Variants in ROCK1 observed in about 807,000 individuals in gnomAD.
The protein encoded by ROCK1 is Rho associated coiled-coil containing protein kinase 1, also known as rho-associated protein kinase 1.
A neutral mutation model predicts 196.8 loss-of-function variants in ROCK1; 36 were observed. That is an observed-to-expected ratio of 0.18 (90% CI 0.14 to 0.24). ROCK1 has a LOEUF of 0.24. Ranked by LOEUF, ROCK1 falls within the 10% of genes least tolerant of loss-of-function variation. ROCK1 has a pLI of 1.00. For missense variants in ROCK1, 920 were observed against 1,562.0 expected, an observed-to-expected ratio of 0.59 and a Z score of 6.93; for synonymous variants, 443 against 515.9, an observed-to-expected ratio of 0.86 and a Z score of 1.91.
chr18:20,959,241 C>T (rs1439255114), intron 29 of ROCK1, among the ~76,000 whole-genome samples: 2 of 99,730 alleles, frequency 2.0e-5, no homozygotes, highest in Non-Finnish European at 3.9e-5. Context: ...GACAGAGTTT[C>T]GCTCTTGTGG....
chr18:21,083,852 T>C (rs1166189919), intron 1 of ROCK1, among the ~76,000 whole-genome samples: 1 of 152,192 alleles, frequency 6.6e-6, no homozygotes, highest in African/African-American at 2.4e-5. Context: ...TAAAAAAGTA[T>C]GTATTTCATG....
chr18:21,090,161 T>A (rs927141381), intron 1 of ROCK1, among the ~76,000 whole-genome samples: 1 of 152,214 alleles, frequency 6.6e-6, no homozygotes, highest in Admixed American at 6.5e-5. Context: ...AAAATACTGG[T>A]TCCTTGAATT....
intron 17 of ROCK1, 38 bp from the exon 18 acceptor site, chr18:20,991,364 C>T: frequency 5.1e-6 from 7 of 1,382,486 alleles, no homozygotes; most frequent in Non-Finnish European, 6.9e-6. Flanking sequence ...ATAAACTGTG[C>T]AGAAGGCATG....
At chr18:21,107,298 T>C (rs985006704) in intron 1 of ROCK1, among the ~76,000 whole-genome samples, 2 of 152,142 alleles carry the variant, frequency 1.3e-5, no homozygotes, top group Non-Finnish European at 2.9e-5. Flanking sequence ...GTAGGTAAGG[T>C]AGTTTAAAAG....
intron 2 of ROCK1, 82 bp from the exon 3 acceptor site, chr18:21,049,962 G>A (rs2036190881): frequency 3.2e-6 from 2 of 617,512 alleles, no homozygotes; most frequent in East Asian, 3.3e-5. Context: ...GAGTTCTTAA[G>A]AAACACAATG....
chr18:20,967,149 A>C (rs2035381853), intron 26 of ROCK1, 73 bp from the exon 27 acceptor site: 3 of 1,036,626 alleles, frequency 2.9e-6, no homozygotes, highest in Admixed American at 2.2e-5. Flanking sequence ...GAAATATGAT[A>C]ATTTAAATTG....
intron 22 of ROCK1, among the ~76,000 whole-genome samples, chr18:20,978,528 G>A (rs550556047): frequency 6.6e-6 from 1 of 152,266 alleles, no homozygotes; most frequent in African/African-American, 2.4e-5. Flanking sequence ...GAGGAACTAA[G>A]TTTTAATTTT....
chr18:21,104,143 AT>A (rs950519771), intron 1 of ROCK1, among the ~76,000 whole-genome samples: 37 of 152,196 alleles, frequency 2.4e-4, no homozygotes, highest in African/African-American at 8.4e-4. Flanking sequence ...TTTTCTATCA[AT>A]TATCGTAATA....
chr18:21,059,868 A>G (rs1429732096), intron 2 of ROCK1, among the ~76,000 whole-genome samples: 2 of 152,248 alleles, frequency 1.3e-5, no homozygotes, highest in African/African-American at 4.8e-5. Flanking sequence ...AAAATGAAAT[A>G]CTGACACATG....
At chr18:21,085,519 A>C (rs2036519690) in intron 1 of ROCK1, among the ~76,000 whole-genome samples, 1 of 152,104 alleles carries the variant, frequency 6.6e-6, no homozygotes, top group South Asian at 2.1e-4. Context: ...ATAAATGAGA[A>C]AGACTAGAAG....
intron 21 of ROCK1, among the ~76,000 whole-genome samples, chr18:20,981,713 C>A (rs1467441037): frequency 6.6e-6 from 1 of 152,056 alleles, no homozygotes; most frequent in East Asian, 1.9e-4. Flanking sequence ...AGAAACAGCA[C>A]TTTCCTAGGC....
Position 20,984,399 on chromosome 18 carries a change from A to G in ROCK1, c.2441T>C (p.Leu814Ser). The G allele has an allele frequency of 6.2e-7, 1 of 1,611,428 alleles. No homozygotes were observed. Among genetic ancestry groups the G allele is most frequent in the African/African-American group, 1.3e-5 (1 of 74,980 alleles). ...EKQMKQEINT[L>S]LEAKRLLEFE... ...TTCTAATAATCTCTTTGCTTCCAATAAAGTATTTATTTCCTGTTTCATCTG... is the reference window on the plus strand; with the variant it reads ...TTCTAATAATCTCTTTGCTTCCAATGAAGTATTTATTTCCTGTTTCATCTG... The change falls in exon 20 of 33, where the codon TTA (leucine) becomes TCA (serine). Residue 814 changes from leucine to serine, a missense_variant. Transcript: ENST00000399799.
intron 32 of ROCK1, 27 bp from the exon 33 acceptor site, chr18:20,951,414 T>C: frequency 4.4e-6 from 7 of 1,580,922 alleles, no homozygotes; most frequent in Non-Finnish European, 6.0e-6. Flanking sequence ...AAAAAACTAA[T>C]TTAAGAAATG....
chr18:21,003,109 G>A (rs1469081940), intron 16 of ROCK1, among the ~76,000 whole-genome samples: 2 of 152,002 alleles, frequency 1.3e-5, no homozygotes, highest in Non-Finnish European at 2.9e-5. Context: ...AAGTCCTACC[G>A]AAGTAGATCA....
chr18:21,047,417 A>C (rs1049937445), intron 4 of ROCK1, among the ~76,000 whole-genome samples: 9 of 152,178 alleles, frequency 5.9e-5, no homozygotes, highest in African/African-American at 1.9e-4. Flanking sequence ...ACAAAGAATT[A>C]TCTGGCCCAA....
chr18:20,992,054 A>C (rs945974023), intron 17 of ROCK1, among the ~76,000 whole-genome samples: 5 of 152,294 alleles, frequency 3.3e-5, no homozygotes, highest in Admixed American at 1.3e-4. Context: ...AAACCCCACA[A>C]AGTATCCTGT....
chr18:21,109,310 G>T (rs2036729383), intron 1 of ROCK1, among the ~76,000 whole-genome samples: 1 of 152,100 alleles, frequency 6.6e-6, no homozygotes, highest in African/African-American at 2.4e-5. Context: ...CCCACCAAAT[G>T]AAGCTATAGC....
At chr18:20,996,256 T>G (rs1030959015) in intron 16 of ROCK1, among the ~76,000 whole-genome samples, 1 of 151,314 alleles carries the variant, frequency 6.6e-6, no homozygotes, top group Non-Finnish European at 1.5e-5. Context: ...AATTCCGGAG[T>G]TGAAAAATGC....
chr18:21,040,133 TCAC>T lies in ROCK1; in HGVS notation c.960-573_960-571del, dbSNP rs569431616. On this transcript the variant is annotated intron_variant, in intron 8 of 32. Transcript: ENST00000399799. Reference sequence around the variant, plus strand: ...TACTGACAACAAAAATCCAGATTAATCACCACCTTACTTCATTAGCAAAATGAA... The same window carrying T: ...TACTGACAACAAAAATCCAGATTAATCACCTTACTTCATTAGCAAAATGAA... 1.7e-3 allele frequency among the ~76,000 whole-genome samples: 253 copies of T among 152,312 alleles called. 2 individuals are homozygous for T. The highest frequency in any genetic ancestry group is 5.9e-3 in the African/African-American group (244 of 41,564).
Sources: allele counts gnomAD v4.1 joint callset (sites outside exome capture counted in the v4.1 genomes callset), GRCh38; gene constraint gnomAD v4.1.1; transcripts MANE v1.5; gene names NCBI Gene and HGNC (gene_info 2026-07-23, HGNC 2026-07-21).